TNPO1: variants seen among roughly 807,000 people sequenced by gnomAD.
TNPO1 encodes transportin-1.
TNPO1 carries 8 observed loss-of-function variants against 119.5 expected under a neutral mutation model. That is an observed-to-expected ratio of 0.07 (90% CI 0.04 to 0.12). TNPO1 has a LOEUF of 0.12. Among genes scored for constraint, TNPO1 ranks in the 10% least tolerant of loss-of-function variants. The pLI, the probability that TNPO1 is intolerant of heterozygous loss-of-function variation, is 1.00. For synonymous variants in TNPO1, 362 were observed against 363.0 expected (o/e 1.00, Z 0.03); for missense variants, 576 against 1,089.8 (o/e 0.53, Z 6.64).
chr5:72,906,996 T>G (rs752285227), intron 24 of TNPO1, among the ~76,000 whole-genome samples: 4 of 152,168 alleles, frequency 2.6e-5, no homozygotes, highest in African/African-American at 7.2e-5. Flanking sequence ...TTTTTTGGCT[T>G]GCTTGCTTGC....
intron 1 of TNPO1, among the ~76,000 whole-genome samples, chr5:72,827,890 A>G (rs1252538144): frequency 6.7e-6 from 1 of 150,256 alleles, no homozygotes; most frequent in African/African-American, 2.5e-5. Flanking sequence ...ACTGCACTCC[A>G]GGCTGGGCAA....
intron 10 of TNPO1, 58 bp from the exon 11 acceptor site, chr5:72,883,006 G>C (rs1489443350): frequency 4.2e-6 from 5 of 1,200,192 alleles, no homozygotes; most frequent in African/African-American, 1.5e-5. Context: ...TCTTACTCAT[G>C]TACATACTAT....
intron 10 of TNPO1, 136 bp from the exon 11 acceptor site, chr5:72,882,928 G>T: frequency 1.4e-6 from 1 of 698,218 alleles, no homozygotes; most frequent in Non-Finnish European, 2.5e-6. Context: ...CATGGGCGTG[G>T]TTCTTAATCA....
chr5:72,868,978 C>T (rs1747166152), intron 6 of TNPO1, among the ~76,000 whole-genome samples: 1 of 151,926 alleles, frequency 6.6e-6, no homozygotes, highest in Non-Finnish European at 1.5e-5. Context: ...ATTGCAACTC[C>T]AGCATGGGCA....
intron 1 of TNPO1, among the ~76,000 whole-genome samples, chr5:72,818,779 A>G (rs1332286574): frequency 1.8e-5 from 2 of 114,178 alleles, no homozygotes; most frequent in African/African-American, 5.4e-5. Flanking sequence ...AAGGATGAGA[A>G]AGCTGAGAGA....
chr5:72,851,211 C>T, intron 2 of TNPO1, 33 bp from the exon 3 acceptor site: 2 of 1,290,992 alleles, frequency 1.5e-6, no homozygotes, highest in Non-Finnish European at 2.2e-6. Context: ...TGAGATTACA[C>T]AGAGAAGTTT....
chr5:72,855,650 T>C (rs1745932678), intron 3 of TNPO1, 124 bp from the exon 4 acceptor site: 1 of 787,770 alleles, frequency 1.3e-6, no homozygotes, highest in Non-Finnish European at 2.0e-6. Context: ...TTATAATTAT[T>C]TTAACTGGTT....
rs774761040 is a variant in TNPO1 at position 72,882,579 on chromosome 5, T to C, written c.981+52T>C. ...GAACAAGATTTTTATATTGACTTAG[T>C]ACATCTTTGGATTTGGCCAATAAAA... On this transcript the variant is annotated intron_variant, in intron 10 of 24. Transcript: ENST00000337273. 6 of 1,339,522 alleles carry C rather than the reference T, an allele frequency of 4.5e-6. No homozygotes were observed. In the South Asian group the frequency reaches 7.7e-5, roughly 17 times the overall value. 83.0% of individuals were successfully genotyped at this position (1,339,522 alleles called of 1,614,324 possible). A position where few individuals can be genotyped will look rare whatever the true frequency, so the allele number is the denominator to read the frequency against.
At chr5:72,885,437 ACATCC>A (rs1198782430) in intron 11 of TNPO1, among the ~76,000 whole-genome samples, 1 of 152,252 alleles carries the variant, frequency 6.6e-6, no homozygotes, top group Non-Finnish European at 1.5e-5. Context: ...CTTCCTCTTC[ACATCC>A]CATTCTTTGT....
chr5:72,893,073 T>C, intron 15 of TNPO1, 66 bp from the exon 16 acceptor site: 1 of 1,265,750 alleles, frequency 7.9e-7, no homozygotes, highest in Non-Finnish European at 1.1e-6. Flanking sequence ...TGAGCGCAGT[T>C]TCAAGCATTC....
chr5:72,844,795 T>C (rs1390818650), intron 1 of TNPO1, among the ~76,000 whole-genome samples: 1 of 152,212 alleles, frequency 6.6e-6, no homozygotes, highest in Non-Finnish European at 1.5e-5. Context: ...CCAGTCTGCT[T>C]TTTAAACTAT....
At chr5:72,870,118 A>G (rs1747266624) in intron 6 of TNPO1, among the ~76,000 whole-genome samples, 1 of 150,568 alleles carries the variant, frequency 6.6e-6, no homozygotes. Flanking sequence ...AAATCTGTGG[A>G]TCAATTTAGA....
chr5:72,838,631 A>G (rs1375015552), intron 1 of TNPO1, among the ~76,000 whole-genome samples: 2 of 152,184 alleles, frequency 1.3e-5, no homozygotes, highest in East Asian at 1.9e-4. Flanking sequence ...TACCTAGAGT[A>G]CTACAGCTTG....
Position 72,896,445 on chromosome 5 carries a change from AT to A in TNPO1, c.2144-5del. The A allele has an allele frequency of 1.9e-6, 3 of 1,602,126 alleles. No homozygotes were observed. The highest frequency in any genetic ancestry group is 1.1e-5 in the South Asian group (1 of 90,448). On this transcript the variant is annotated splice_polypyrimidine_tract_variant and intron_variant, in intron 18 of 24. Transcript: ENST00000337273. Reference sequence around the variant, plus strand: ...TTGAAAAGTTTACTACATAGTTTAAATTTTTTTTCTAGCTGATTTCATGCCA... The same window carrying A: ...TTGAAAAGTTTACTACATAGTTTAAATTTTTTTCTAGCTGATTTCATGCCA...
intron 9 of TNPO1, among the ~76,000 whole-genome samples, chr5:72,880,420 T>G (rs957683114): frequency 6.6e-6 from 1 of 152,234 alleles, no homozygotes; most frequent in Non-Finnish European, 1.5e-5. Context: ...AGGGCTGTTG[T>G]GTGGATTTTC....
rs1271696765 is a variant in TNPO1, at chr5:72,909,559, CAT to C, written c.*888_*889del. On this transcript the variant is annotated 3_prime_UTR_variant, in exon 25 of 25. Transcript: ENST00000337273. ...TAAGGTTCAGGCATGCATTCTGGCT[CAT>C]AGTGGTTGAAAGTAATTTAAATTAG... 1 of 152,182 alleles carries C rather than the reference CAT, an allele frequency of 6.6e-6. No individual in the cohort carries two copies. Among genetic ancestry groups the C allele is most frequent in the African/African-American group, 2.4e-5 (1 of 41,434 alleles). The allele number at this position is 152,182 out of a possible 1,614,324, so 9.4% of individuals were successfully genotyped here. A position where few individuals can be genotyped will look rare whatever the true frequency, so the allele number is the denominator to read the frequency against.
intron 6 of TNPO1, among the ~76,000 whole-genome samples, chr5:72,870,195 T>A (rs1386737229): frequency 7.3e-6 from 1 of 137,376 alleles, no homozygotes; most frequent in African/African-American, 2.7e-5. Context: ...AGTTTCACTC[T>A]TGTCTCCCAC....
chr5:72,900,767 G>A lies in TNPO1; in HGVS notation c.2415-207G>A, dbSNP rs184116595. 1.4e-5 allele frequency: 5 copies of A among 366,048 alleles called. No homozygotes were observed. The South Asian group carries it at 3.9e-4, about 28-fold the overall frequency. The allele number at this position is 366,048 out of a possible 1,614,324, so 22.7% of individuals were successfully genotyped here. On this transcript the variant is annotated intron_variant, in intron 21 of 24. Coordinates refer to ENST00000337273, the MANE Select transcript of TNPO1 (RefSeq NM_002270.4). The stretch of plus-strand genomic sequence containing the variant: ...TATAAATGCAATTTATTAAGAAAAT[G>A]TGGATTTCACTGTTTCTACTGTATT...
intron 21 of TNPO1, among the ~76,000 whole-genome samples, chr5:72,900,563 G>T (rs1173439076): frequency 6.6e-6 from 1 of 152,024 alleles, no homozygotes; most frequent in East Asian, 1.9e-4. Context: ...TTTATATTGT[G>T]GCACTATATC....
Sources: allele counts gnomAD v4.1 joint callset (sites outside exome capture counted in the v4.1 genomes callset), GRCh38; gene constraint gnomAD v4.1.1; transcripts MANE v1.5; gene names NCBI Gene and HGNC (gene_info 2026-07-23, HGNC 2026-07-21).